CTNNA2: variants seen among roughly 807,000 people sequenced by gnomAD.
CTNNA2 encodes the protein catenin alpha 2, also known as catenin alpha-2.
CTNNA2 carries 42 observed loss-of-function variants against 101.0 expected under a neutral mutation model. That is an observed-to-expected ratio of 0.42 (90% CI 0.32 to 0.54). The LOEUF is 0.54. Ranked by LOEUF, CTNNA2 falls within the 20% of genes least tolerant of loss-of-function variation. CTNNA2 has a pLI of 0.14. For missense variants in CTNNA2, 871 were observed against 1,223.1 expected (o/e 0.71, Z 4.29); for synonymous variants, 450 against 456.4 (o/e 0.99, Z 0.18).
intron 3 of CTNNA2, among the ~76,000 whole-genome samples, chr2:79,782,294 T>A (rs541303803): frequency 1.5e-3 from 228 of 152,316 alleles, no homozygotes; most frequent in Admixed American, 2.4e-3. Context: ...TGGAGTGCAA[T>A]GGCACAGTCT....
intron 7 of CTNNA2, among the ~76,000 whole-genome samples, chr2:79,952,295 G>C (rs563167448): frequency 6.6e-6 from 1 of 152,138 alleles, no homozygotes; most frequent in Non-Finnish European, 1.5e-5. Context: ...CCCACACCGT[G>C]CCAGTCCAAA....
At chr2:80,310,871 G>A (rs1011132838) in intron 7 of CTNNA2, among the ~76,000 whole-genome samples, 2 of 151,640 alleles carry the variant, frequency 1.3e-5, no homozygotes, top group Non-Finnish European at 2.9e-5. Flanking sequence ...TACTTGGGAA[G>A]CTGAGGCAGG....
intron 14 of CTNNA2, among the ~76,000 whole-genome samples, chr2:80,586,842 C>T (rs1235775747): frequency 2.0e-5 from 3 of 152,172 alleles, no homozygotes; most frequent in Admixed American, 6.6e-5. Context: ...TACATGTATC[C>T]ATGGAAGTCA....
chr2:80,285,262 C>G (rs1029274245), intron 7 of CTNNA2, among the ~76,000 whole-genome samples: 4 of 152,198 alleles, frequency 2.6e-5, no homozygotes, highest in African/African-American at 4.8e-5. Context: ...ACTGGTATCT[C>G]TCTTATTGAA....
chr2:80,631,715 A>G (rs1411799978), intron 18 of CTNNA2, among the ~76,000 whole-genome samples: 1 of 152,078 alleles, frequency 6.6e-6, no homozygotes, highest in Non-Finnish European at 1.5e-5. Context: ...TTCATCTTTT[A>G]TTTAAAGGCA....
chr2:80,416,184 T>A (rs2149401716), intron 8 of CTNNA2, among the ~76,000 whole-genome samples: 1 of 152,138 alleles, frequency 6.6e-6, no homozygotes, highest in African/African-American at 2.4e-5. Context: ...TGAAATTTGC[T>A]AAGAGAGTAG....
chr2:80,566,473 G>T (rs1035911096), intron 12 of CTNNA2, among the ~76,000 whole-genome samples: 1 of 152,106 alleles, frequency 6.6e-6, no homozygotes, highest in Non-Finnish European at 1.5e-5. Flanking sequence ...AGACCATAAG[G>T]GTAATGAATG....
At chr2:80,578,809 T>C (rs930724473) in intron 13 of CTNNA2, 23 of 152,142 alleles carry the variant, frequency 1.5e-4, no homozygotes, top group African/African-American at 5.5e-4. Context: ...ATTACATTTA[T>C]TTCATTAGGT....
At chr2:79,525,417 C>T (rs1220346700) in intron 1 of CTNNA2, among the ~76,000 whole-genome samples, 1 of 151,898 alleles carries the variant, frequency 6.6e-6, no homozygotes, top group South Asian at 2.1e-4. Flanking sequence ...AATTGTTCAT[C>T]TGGTCTAGTC....
chr2:80,422,100 G>C (rs572474412), intron 9 of CTNNA2, among the ~76,000 whole-genome samples: 1 of 152,142 alleles, frequency 6.6e-6, no homozygotes, highest in Non-Finnish European at 1.5e-5. Context: ...GCAAGACTGG[G>C]TAATTTATAA....
At chr2:80,249,200 C>A (rs796423304) in intron 7 of CTNNA2, among the ~76,000 whole-genome samples, 16 of 152,316 alleles carry the variant, frequency 1.1e-4, no homozygotes, top group African/African-American at 3.6e-4. Context: ...ATGTTTGACA[C>A]TGTTTTTCTC....
intron 4 of CTNNA2, among the ~76,000 whole-genome samples, chr2:79,395,526 T>C (rs1405389571): frequency 6.6e-6 from 1 of 151,988 alleles, no homozygotes; most frequent in Non-Finnish European, 1.5e-5. Context: ...GAAGAGAAAA[T>C]TTTTGAATGT....
intron 1 of CTNNA2, among the ~76,000 whole-genome samples, chr2:79,563,188 T>TATATATA (rs1491331448): frequency 2.1e-4 from 9 of 42,290 alleles, no homozygotes; most frequent in South Asian, 5.3e-4. Context: ...TATATATATA[T>TATATATA]TTTCCTTCAT....
chr2:80,118,026 C>A (rs1298627623), intron 7 of CTNNA2, among the ~76,000 whole-genome samples: 1 of 152,116 alleles, frequency 6.6e-6, no homozygotes, highest in African/African-American at 2.4e-5. Context: ...AGGATACTGG[C>A]ACAGTTGCTA....
Position 79,521,163 on chromosome 2 carries a change from T to G in CTNNA2, c.-6+7956T>G, listed in dbSNP as rs868797288. On this transcript the variant is annotated intron_variant, in intron 1 of 18. Transcript: ENST00000402739. ...ATATATATATATATATATATATATA[T>G]ATATAAATTTTAAGGTGCGCTATTT... Among the ~76,000 whole-genome samples, 15 of 96,476 alleles carry G rather than the reference T, an allele frequency of 1.6e-4. No homozygotes were observed. The East Asian group carries it at 2.7e-3, about 18-fold the overall frequency. 63.3% of individuals were successfully genotyped at this position (96,476 alleles called of 152,430 possible).
chr2:79,971,977 G>T (rs1690518134), intron 7 of CTNNA2, among the ~76,000 whole-genome samples: 5 of 152,124 alleles, frequency 3.3e-5, no homozygotes, highest in Non-Finnish European at 5.9e-5. Flanking sequence ...AGTGAGTTGG[G>T]ATTCTTGCAA....
chr2:79,233,409 C>T (rs976718551), intron 2 of CTNNA2, among the ~76,000 whole-genome samples: 4 of 151,998 alleles, frequency 2.6e-5, no homozygotes, highest in Admixed American at 2.6e-4. Flanking sequence ...CACTGTGTTC[C>T]AAGAGCACAC....
At chr2:80,600,755 T>C (rs1697422543) in intron 15 of CTNNA2, among the ~76,000 whole-genome samples, 1 of 152,064 alleles carries the variant, frequency 6.6e-6, no homozygotes. Flanking sequence ...AGCAAACCTC[T>C]CACATCAGCC....
At chr2:79,581,526 A>G (rs1419778591) in intron 1 of CTNNA2, among the ~76,000 whole-genome samples, 1 of 152,164 alleles carries the variant, frequency 6.6e-6, no homozygotes, top group Non-Finnish European at 1.5e-5. Context: ...CTCTATCTCA[A>G]AAGAAAAAAA....
Sources: allele counts gnomAD v4.1 joint callset (sites outside exome capture counted in the v4.1 genomes callset), GRCh38; gene constraint gnomAD v4.1.1; transcripts MANE v1.5; gene names NCBI Gene and HGNC (gene_info 2026-07-23, HGNC 2026-07-21).